ERC1: variants seen among roughly 807,000 people sequenced by gnomAD.
ERC1 encodes the protein ELKS/RAB6-interacting/CAST family member 1, also known as RAB6 interacting protein 2.
A neutral mutation model predicts 132.0 loss-of-function variants in ERC1; 56 were observed. The observed-to-expected ratio is 0.42, with a 90% confidence interval of 0.34 to 0.53. The LOEUF (loss-of-function observed/expected upper bound fraction) is 0.53. Among genes scored for constraint, ERC1 ranks in the 20% least tolerant of loss-of-function variants. The pLI is 0.03. For missense variants in ERC1, 1,202 were observed against 1,349.9 expected (o/e 0.89, Z 1.72); for synonymous variants, 478 against 476.1 (o/e 1.00, Z -0.05).
intron 18 of ERC1, among the ~76,000 whole-genome samples, chr12:1,483,940 T>C (rs75555957): frequency 0.28 from 42,387 of 151,012 alleles, 6,163 homozygotes; most frequent in Middle Eastern, 0.36. Flanking sequence ...GTGATCCACC[T>C]GCCTCGGCCT....
At chr12:1,337,925 C>G (rs981553522) in intron 15 of ERC1, among the ~76,000 whole-genome samples, 5 of 152,130 alleles carry the variant, frequency 3.3e-5, no homozygotes, top group Admixed American at 2.6e-4. Flanking sequence ...GATGGACTTG[C>G]CTTTGTAGGT....
At chr12:1,209,059 C>T (rs1957617226) in intron 12 of ERC1, among the ~76,000 whole-genome samples, 1 of 149,418 alleles carries the variant, frequency 6.7e-6, no homozygotes, top group African/African-American at 2.5e-5. Flanking sequence ...ACCTCTACCT[C>T]CCAGGTTCAG....
At chr12:1,416,412 G>A (rs181884974) in intron 17 of ERC1, among the ~76,000 whole-genome samples, 104 of 152,286 alleles carry the variant, frequency 6.8e-4, no homozygotes, top group African/African-American at 1.8e-3. Context: ...AGAATATGAT[G>A]TGTAGGGGCT....
intron 13 of ERC1, among the ~76,000 whole-genome samples, chr12:1,237,783 A>G (rs1007993768): frequency 6.6e-6 from 1 of 152,188 alleles, no homozygotes. Context: ...AGAATACCAT[A>G]AATGTGCTGG....
intron 8 of ERC1, among the ~76,000 whole-genome samples, chr12:1,143,830 C>A (rs1950086397): frequency 6.6e-6 from 1 of 151,616 alleles, no homozygotes; most frequent in Non-Finnish European, 1.5e-5. Context: ...CCTAGGTTTT[C>A]TTTTTGTTAT....
At chr12:1,219,775 A>G (rs1346140941) in intron 12 of ERC1, among the ~76,000 whole-genome samples, 1 of 151,950 alleles carries the variant, frequency 6.6e-6, no homozygotes, top group African/African-American at 2.4e-5. Context: ...AGCTGGGACT[A>G]CAGGTGCACA....
At chr12:1,306,969 CTCT>C (rs751254464) in intron 15 of ERC1, among the ~76,000 whole-genome samples, 3 of 152,124 alleles carry the variant, frequency 2.0e-5, no homozygotes, top group Non-Finnish European at 2.9e-5. Context: ...GGCACATGCC[CTCT>C]TCTTCCCAGC....
chr12:999,759 C>G (rs1229899765), intron 1 of ERC1, among the ~76,000 whole-genome samples: 1 of 152,012 alleles, frequency 6.6e-6, no homozygotes, highest in Non-Finnish European at 1.5e-5. Flanking sequence ...CCACGGCCAG[C>G]TAATTTTGTA....
Position 1,141,805 on chromosome 12 carries a change from C to A in ERC1, c.1737+18C>A. 1 of 1,532,346 alleles carries A rather than the reference C, an allele frequency of 6.5e-7. No individual in the cohort carries two copies. Among genetic ancestry groups the A allele is most frequent in the South Asian group, 1.3e-5 (1 of 74,614 alleles). The allele number at this position is 1,532,346 out of a possible 1,614,324, so 94.9% of individuals were successfully genotyped here. ...AGAAGAAGGTAAGGTACAGGTGTTTCGAGTTCAGTGGCCCATTCCTCATAC... is the reference window on the plus strand; with the variant it reads ...AGAAGAAGGTAAGGTACAGGTGTTTAGAGTTCAGTGGCCCATTCCTCATAC... On this transcript the variant is annotated intron_variant, in intron 8 of 18. Coordinates refer to ENST00000360905, the MANE Select transcript of ERC1 (RefSeq NM_178040.4).
In ERC1 at chr12:1,495,202, C is replaced by T. The variant is rs1297146815; in HGVS notation, c.*4972C>T. On this transcript the variant is annotated 3_prime_UTR_variant, in exon 19 of 19. Coordinates refer to ENST00000360905, the MANE Select transcript of ERC1 (RefSeq NM_178040.4). ...CAGGCCACAGGACCTCTCCTGCCCACTTGGTGCTATCTCTTCCAGTGACCA... is the reference window on the plus strand; with the variant it reads ...CAGGCCACAGGACCTCTCCTGCCCATTTGGTGCTATCTCTTCCAGTGACCA... The T allele has an allele frequency of 1.7e-5, 4 of 230,972 alleles. No homozygotes were observed. Among genetic ancestry groups the T allele is most frequent in the Non-Finnish European group, 3.4e-5 (4 of 116,728 alleles). 14.3% of individuals were successfully genotyped at this position (230,972 alleles called of 1,614,324 possible). A position where few individuals can be genotyped will look rare whatever the true frequency, so the allele number is the denominator to read the frequency against.
chr12:1,330,792 T>A (rs566591157), intron 15 of ERC1, among the ~76,000 whole-genome samples: 1 of 152,244 alleles, frequency 6.6e-6, no homozygotes, highest in African/African-American at 2.4e-5. Context: ...CTGCAACTCC[T>A]AGTAGACTTA....
chr12:1,032,038 A>G (rs1312049691), intron 2 of ERC1, among the ~76,000 whole-genome samples: 1 of 151,942 alleles, frequency 6.6e-6, no homozygotes, highest in East Asian at 1.9e-4. Context: ...TAGTAAATCT[A>G]ATCTAATTCT....
At chr12:1,071,205 G>A (rs1940290195) in intron 2 of ERC1, among the ~76,000 whole-genome samples, 1 of 152,148 alleles carries the variant, frequency 6.6e-6, no homozygotes, top group African/African-American at 2.4e-5. Context: ...CATTTCTCTT[G>A]GGGTGATACC....
At position 1,055,805 on chromosome 12, in the gene ERC1, G is replaced by A. The variant is rs114480329; in HGVS notation, c.669+27233G>A. Among the ~76,000 whole-genome samples, 885 of 152,200 alleles carry A rather than the reference G, an allele frequency of 5.8e-3. 4 individuals are homozygous for A. Among genetic ancestry groups the A allele is most frequent in the African/African-American group, 0.019 (789 of 41,526 alleles). On this transcript the variant is annotated intron_variant, in intron 2 of 18. Transcript: ENST00000360905. ...TAAAATGAAAATAATGGTACATCAT[G>A]GGTGAGATGTAAACTTTAAATGAGT... is the stretch of plus-strand genomic sequence containing the variant.
rs1226327574 is a variant in ERC1, at chr12:1,371,902, TAAG to T, written c.2858_2860del (p.Lys953del). 2 of 1,614,162 alleles carry T rather than the reference TAAG, an allele frequency of 1.2e-6. No individual in the cohort carries two copies. The highest frequency in any genetic ancestry group is 1.7e-6 in the Non-Finnish European group (2 of 1,180,026). On this transcript the variant is annotated inframe_deletion, in exon 16 of 19. Transcript: ENST00000360905. ...TAGCTCTCTTGGAGCTTTCGTCCTC[TAAG>T]AAGAAGACCCAAGAGGAAGTGGCTG...
chr12:1,243,476 A>G (rs2075966239), intron 13 of ERC1, among the ~76,000 whole-genome samples: 1 of 151,978 alleles, frequency 6.6e-6, no homozygotes, highest in Non-Finnish European at 1.5e-5. Flanking sequence ...AACGTGAGAG[A>G]TACTGAGGTC....
chr12:1,419,736 T>G (rs2092346879), intron 17 of ERC1, among the ~76,000 whole-genome samples: 1 of 151,904 alleles, frequency 6.6e-6, no homozygotes. Context: ...TGCACAACAG[T>G]GTGAAAGTAT....
intron 8 of ERC1, among the ~76,000 whole-genome samples, chr12:1,145,272 C>A (rs1279298860): frequency 6.6e-6 from 1 of 152,170 alleles, no homozygotes; most frequent in Non-Finnish European, 1.5e-5. Flanking sequence ...CCGCCTCGGC[C>A]TCCCAAAGTG....
chr12:1,444,828 T>C (rs2093259118), intron 18 of ERC1, 78 bp downstream of exon 18: 3 of 1,353,434 alleles, frequency 2.2e-6, no homozygotes, highest in African/African-American at 1.6e-5. Context: ...GGGGGCTACC[T>C]TGGGGAATCC....
Sources: gnomAD v4.1 joint callset for allele counts (sites outside exome capture counted in the v4.1 genomes callset) on GRCh38, gnomAD v4.1.1 for gene constraint, MANE v1.5 for transcripts, NCBI Gene and HGNC (gene_info 2026-07-23, HGNC 2026-07-21) for gene names.